Variants in PI4KA observed in about 807,000 individuals in gnomAD.
PI4KA encodes phosphatidylinositol 4-kinase alpha.
A neutral mutation model predicts 271.4 loss-of-function variants in PI4KA; 122 were observed. The observed-to-expected ratio is 0.45, with a 90% CI of 0.39 to 0.52. The LOEUF is 0.52. Ranked by LOEUF, PI4KA falls within the 20% of genes least tolerant of loss-of-function variation. PI4KA has a pLI of 0.00. For synonymous variants in PI4KA, 1,041 were observed against 1,078.8 expected (o/e 0.96, Z 0.69); for missense variants, 1,969 against 2,769.1 (o/e 0.71, Z 6.48).
chr22:20,730,083 AT>A, intron 36 of PI4KA, 72 bp from the exon 37 acceptor site: 1 of 1,556,592 alleles, frequency 6.4e-7, no homozygotes, highest in South Asian at 1.2e-5. Context: ...ATAAACTACT[AT>A]TCACCAGAGA....
chr22:20,768,121 A>C (rs1415369243), intron 19 of PI4KA, among the ~76,000 whole-genome samples: 1 of 152,150 alleles, frequency 6.6e-6, no homozygotes, highest in Non-Finnish European at 1.5e-5. Context: ...CTCAATTCCC[A>C]GACGGTGCGG....
In PI4KA at chr22:20,733,778, A is replaced by C. The variant is rs1165982077; in HGVS notation, c.4118T>G (p.Val1373Gly). 1 of 1,613,358 alleles carries C rather than the reference A, an allele frequency of 6.2e-7. No individual in the cohort carries two copies. Among genetic ancestry groups the C allele is most frequent in the Admixed American group, 1.7e-5 (1 of 60,014 alleles). The change falls in exon 35 of 55, where the codon GTG becomes GGG. Residue 1373 changes from valine (V) to glycine (G), a missense_variant. By Grantham distance (109) the Val-to-Gly change is moderately radical. This residue lies in a region of PI4KA where 72 missense variants were observed against 103.1 expected (regional missense o/e 0.70). Coordinates refer to ENST00000255882, the MANE Select transcript of PI4KA (RefSeq NM_058004.4). ...DVVPNATIRN[V>G]LREKIYSTAF... ...AGTGGAGTAGATCTTCTCGCGAAGC[A>C]CATTGCGGATGGTTGCATTTGGAAC...
intron 39 of PI4KA, 135 bp downstream of exon 39, chr22:20,729,178 G>T: frequency 1.4e-6 from 1 of 717,656 alleles, no homozygotes; most frequent in Non-Finnish European, 2.3e-6. Flanking sequence ...CCTGGGGCTC[G>T]AGGACTAGAC....
At chr22:20,839,266 T>C (rs956251829) in intron 1 of PI4KA, among the ~76,000 whole-genome samples, 1 of 152,094 alleles carries the variant, frequency 6.6e-6, no homozygotes, top group African/African-American at 2.4e-5. Flanking sequence ...AAAGAGTCCA[T>C]GTAACCAATA....
chr22:20,743,970 C>T (rs1008513527), intron 30 of PI4KA, among the ~76,000 whole-genome samples: 4 of 152,166 alleles, frequency 2.6e-5, no homozygotes, highest in African/African-American at 4.8e-5. Context: ...AGGAGAATGG[C>T]GTGAACCCAG....
At chr22:20,834,253 G>A (rs2097592550) in intron 3 of PI4KA, among the ~76,000 whole-genome samples, 2 of 152,188 alleles carry the variant, frequency 1.3e-5, no homozygotes, top group Middle Eastern at 3.4e-3. Context: ...ATTTGGGGAC[G>A]GGCAGATGAC....
intron 48 of PI4KA, 82 bp downstream of exon 48, chr22:20,713,199 G>A: frequency 1.0e-6 from 1 of 977,736 alleles, no homozygotes; most frequent in Non-Finnish European, 1.6e-6. Flanking sequence ...TTCTGCATAT[G>A]AGATTGGACT....
intron 32 of PI4KA, 45 bp from the exon 33 acceptor site, chr22:20,734,598 A>C (rs1928479944): frequency 6.5e-7 from 1 of 1,542,434 alleles, no homozygotes. Context: ...AAACACAAAA[A>C]GGGGCTACTG....
At chr22:20,834,425 T>C in intron 3 of PI4KA, 137 bp downstream of exon 3, 1 of 686,790 alleles carries the variant, frequency 1.5e-6, no homozygotes, top group Non-Finnish European at 2.6e-6. Flanking sequence ...CAGCCCACAA[T>C]GCTGCAGGCA....
Position 20,729,999 on chromosome 22 carries a change from G to A in PI4KA, c.4301C>T (p.Thr1434Ile). The A allele has an allele frequency of 6.2e-7, 1 of 1,614,172 alleles. No homozygotes were observed. Among genetic ancestry groups the A allele is most frequent in the Non-Finnish European group, 8.5e-7 (1 of 1,180,024 alleles). ...GACAGTTATGTCCAGGTTGCTCCGG[G>A]TGTCCTGATTATCTGAGGGCAAACA... The part of the protein sequence containing the change: ...SQLVPPDNQD[T>I]RSNLDITVGS... Residue 1434 changes from threonine to isoleucine, a missense_variant, in exon 37 of 55, where the codon ACC becomes ATC. By Grantham distance (89) the Thr-to-Ile change is moderately conservative (BLOSUM62 -1). Transcript: ENST00000255882.
intron 16 of PI4KA, 53 bp downstream of exon 16, chr22:20,799,040 G>A: frequency 3.4e-6 from 5 of 1,459,988 alleles, no homozygotes; most frequent in South Asian, 2.4e-5. Flanking sequence ...ATAGTCAAGA[G>A]TTTAACGTAG....
chr22:20,855,030 T>C (rs989585096), intron 1 of PI4KA, among the ~76,000 whole-genome samples: 1 of 151,836 alleles, frequency 6.6e-6, no homozygotes. Context: ...CAGGTGCCTG[T>C]AGTCCCAGCT....
At chr22:20,710,236 C>T in intron 52 of PI4KA, 1 of 594,932 alleles carries the variant, frequency 1.7e-6, no homozygotes, top group South Asian at 2.0e-5. Context: ...TGCCCTGTCC[C>T]CCACATAAGG....
chr22:20,774,331 T>C (rs1042700792), intron 19 of PI4KA, among the ~76,000 whole-genome samples: 1 of 152,146 alleles, frequency 6.6e-6, no homozygotes, highest in Non-Finnish European at 1.5e-5. Flanking sequence ...GTTGGGAGAG[T>C]TGACAAACTT....
At chr22:20,710,182 C>T in intron 52 of PI4KA, 185 bp from the exon 53 acceptor site, 1 of 649,528 alleles carries the variant, frequency 1.5e-6, no homozygotes, top group Non-Finnish European at 2.9e-6. Context: ...CCATACCGCC[C>T]AGGCAAGGGC....
intron 2 of PI4KA, among the ~76,000 whole-genome samples, chr22:20,838,192 G>C (rs927676946): frequency 1.3e-5 from 2 of 149,962 alleles, no homozygotes; most frequent in Admixed American, 1.3e-4. Flanking sequence ...TTTTGAAAAA[G>C]ATGATATTAT....
chr22:20,717,739 C>T lies in PI4KA; in HGVS notation c.5286G>A (p.Leu1762=), dbSNP rs1362696873. The change falls in exon 45 of 55, where the codon CTG becomes CTA. Residue 1762 remains leucine (L), a synonymous_variant. Transcript: ENST00000255882. The part of the protein sequence containing the change: ...PKGDERKKAC[L]SALSEVKVQP... ...GCACCTTCACTTCAGACAGGGCCGA[C>T]AGACAAGCCTTCTTTCTCTCGTCGC... is the stretch of plus-strand genomic sequence containing the variant. The T allele has an allele frequency of 6.3e-7, 1 of 1,580,892 alleles. No individual in the cohort carries two copies. Among genetic ancestry groups the T allele is most frequent in the Non-Finnish European group, 8.6e-7 (1 of 1,161,700 alleles).
chr22:20,858,668 A>G lies in PI4KA; in HGVS notation c.58T>C (p.Ser20Pro). The change falls in exon 1 of 55, where the codon TCC (serine) becomes CCC (proline). Residue 20 changes from serine to proline, a missense_variant. By Grantham distance (74) the Ser-to-Pro change is moderately conservative. This residue lies in a region of PI4KA where 540 missense variants were observed against 555.5 expected (regional missense o/e 0.97). Transcript: ENST00000255882. ...CGCGAGGCGCTGGAGCCGGAGCCGG[A>G]GCAGCCGCCGCCGCCTCCGCCTCCG... ...GGGGGGGGGC[S>P]GSGSSASRGF... The G allele has an allele frequency of 6.8e-7, 1 of 1,473,248 alleles. No individual in the cohort carries two copies. Among genetic ancestry groups the G allele is most frequent in the Non-Finnish European group, 8.9e-7 (1 of 1,119,636 alleles). The allele number at this position is 1,473,248 out of a possible 1,614,324, so 91.3% of individuals were successfully genotyped here.
At chr22:20,726,859 G>A (rs1012199853) in intron 41 of PI4KA, among the ~76,000 whole-genome samples, 3 of 152,136 alleles carry the variant, frequency 2.0e-5, no homozygotes, top group Non-Finnish European at 4.4e-5. Flanking sequence ...TGGCTATCTC[G>A]TGGGCTCCCT....
Sources: gnomAD v4.1 joint callset for allele counts (sites outside exome capture counted in the v4.1 genomes callset) on GRCh38, gnomAD v4.1.1 for gene constraint, gnomAD v4.1.1 regional missense constraint, MANE v1.5 for transcripts, NCBI Gene and HGNC (gene_info 2026-07-23, HGNC 2026-07-21) for gene names.